SPRY3: variants seen among roughly 807,000 people sequenced by gnomAD.
The protein encoded by SPRY3 is sprouty RTK signaling antagonist 3, also known as protein sprouty homolog 3.
A neutral mutation model predicts 20.2 loss-of-function variants in SPRY3; 15 were observed. The observed-to-expected ratio is 0.74, with a 90% CI of 0.50 to 1.14. The LOEUF (loss-of-function observed/expected upper bound fraction) is 1.14. SPRY3 is among the 50% of genes most tolerant of loss of function. The pLI is 0.00. For synonymous variants in SPRY3, 143 were observed against 136.5 expected (o/e 1.05, Z -0.33); for missense variants, 364 against 363.9 (o/e 1.00, Z 0.00).
At chrX:155,616,151 T>TCCTCTCTCTCTCTCTCTC (rs2067853135) in intron 1 of SPRY3, among the ~76,000 whole-genome samples, 1 of 33,177 alleles carries the variant, frequency 3.0e-5, no homozygotes, top group Non-Finnish European at 8.6e-5. Context: ...CTCTCTCTCT[T>TCCTCTCTCTCTCTCTCTC]CTCTCTCTCT....
chrX:155,750,855 C>T (rs1402081812), intron 2 of SPRY3, among the ~76,000 whole-genome samples: 1 of 151,800 alleles, frequency 6.6e-6, no homozygotes, highest in Non-Finnish European at 1.5e-5. Context: ...AAATGAATAC[C>T]AAACCAGTTA....
chrX:155,690,102 T>C (rs1420970989), intron 2 of SPRY3, among the ~76,000 whole-genome samples: 1 of 88,818 alleles, frequency 1.1e-5, no homozygotes, highest in Non-Finnish European at 2.1e-5. Context: ...AAACAGGTTA[T>C]TTAATTTCCA....
At chrX:155,767,910 TTTTG>T (rs1050081588) in intron 2 of SPRY3, 48 bp from the exon 2 acceptor site, 108 of 146,418 alleles carry the variant, frequency 7.4e-4, no homozygotes, top group Non-Finnish European at 1.3e-3. Context: ...CGTTTTTTTG[TTTTG>T]TTTTGTTTTG....
chrX:155,767,738 G>GAGAGAGGAGGAGGAGAA (rs2091347416), intron 2 of SPRY3: 1 of 57,266 alleles, frequency 1.7e-5, no homozygotes, highest in Non-Finnish European at 3.2e-5. Flanking sequence ...GAGGAGGAGA[G>GAGAGAGGAGGAGGAGAA]AGAGGAGGAG....
At chrX:155,778,061 A>G (rs1355637324), downstream of SPRY3, 4 of 166,966 alleles carry the variant, frequency 2.4e-5, no homozygotes, top group Non-Finnish European at 5.9e-5. Flanking sequence ...TCCAACCTCT[A>G]TTTTACAGAT....
At chrX:155,642,465 T>C (rs1475284485) in intron 1 of SPRY3, among the ~76,000 whole-genome samples, 6 of 111,900 alleles carry the variant, frequency 5.4e-5, no homozygotes, top group Admixed American at 1.9e-4. Context: ...GTTTTCTTCA[T>C]TTCAAATTTG....
intron 2 of SPRY3, among the ~76,000 whole-genome samples, chrX:155,743,315 T>C (rs965157439): frequency 1.3e-5 from 2 of 152,122 alleles, no homozygotes; most frequent in Non-Finnish European, 1.5e-5. Flanking sequence ...TGGCTCCCCA[T>C]GGCAGTACTC....
chrX:155,729,391 A>G (rs1236189996), intron 2 of SPRY3, among the ~76,000 whole-genome samples: 3 of 152,176 alleles, frequency 2.0e-5, no homozygotes, highest in Non-Finnish European at 2.9e-5. Context: ...ATAAAACTAG[A>G]AATCAATAAC....
chrX:155,678,883 C>T (rs922995054), intron 2 of SPRY3, among the ~76,000 whole-genome samples: 1 of 111,762 alleles, frequency 8.9e-6, no homozygotes, highest in Non-Finnish European at 1.9e-5. Flanking sequence ...TCTGATCAGT[C>T]TTGAGAGGAC....
chrX:155,729,432 T>C (rs1023497813), intron 2 of SPRY3, among the ~76,000 whole-genome samples: 1 of 152,016 alleles, frequency 6.6e-6, no homozygotes, highest in African/African-American at 2.4e-5. Context: ...AAGAAATACA[T>C]GGAAATTAAA....
chrX:155,703,921 T>G (rs2090929334), intron 2 of SPRY3, among the ~76,000 whole-genome samples: 1 of 151,918 alleles, frequency 6.6e-6, no homozygotes, highest in Admixed American at 6.6e-5. Context: ...ATTTGAAGCC[T>G]GTGGTGGTTC....
chrX:155,749,895 G>A (rs2091252045), intron 2 of SPRY3, among the ~76,000 whole-genome samples: 1 of 151,710 alleles, frequency 6.6e-6, no homozygotes, highest in African/African-American at 2.4e-5. Flanking sequence ...ACATTATTCT[G>A]GAGTTCAGAG....
chrX:155,626,449 A>G (rs1420890106), intron 1 of SPRY3, among the ~76,000 whole-genome samples: 1 of 111,638 alleles, frequency 9.0e-6, no homozygotes, highest in Non-Finnish European at 1.9e-5. Context: ...TCTAGATACA[A>G]GATCTTGTCA....
chrX:155,773,568 C>A (rs1229492549), intron 3 of SPRY3, among the ~76,000 whole-genome samples, 198 bp from the exon 3 acceptor site: 9 of 151,910 alleles, frequency 5.9e-5, no homozygotes, highest in Non-Finnish European at 1.3e-4. Flanking sequence ...TCCCAAACTT[C>A]TTTATAGTCT....
intron 1 of SPRY3, among the ~76,000 whole-genome samples, chrX:155,634,869 T>TTA (rs2124531741): frequency 9.3e-6 from 1 of 106,986 alleles, no homozygotes; most frequent in Admixed American, 1.0e-4. Flanking sequence ...TATGTACACT[T>TTA]TATATATATA....
intron 2 of SPRY3, among the ~76,000 whole-genome samples, chrX:155,761,492 G>T (rs959307490): frequency 9.2e-5 from 14 of 152,120 alleles, no homozygotes; most frequent in Non-Finnish European, 1.3e-4. Flanking sequence ...TTGCTATTGT[G>T]AATAGTACTG....
intron 2 of SPRY3, among the ~76,000 whole-genome samples, chrX:155,743,562 T>C (rs2091213278): frequency 1.3e-5 from 2 of 152,038 alleles, no homozygotes; most frequent in Non-Finnish European, 2.9e-5. Context: ...GAGGGTAAAA[T>C]ATACATATAA....
At chrX:155,656,203 G>T (rs1452997054) in intron 1 of SPRY3, among the ~76,000 whole-genome samples, 1 of 111,398 alleles carries the variant, frequency 9.0e-6, no homozygotes, top group African/African-American at 3.3e-5. Context: ...TTCCAACTTG[G>T]TTCCATTCTT....
intron 2 of SPRY3, among the ~76,000 whole-genome samples, chrX:155,710,269 C>A (rs2090977352): frequency 6.6e-6 from 1 of 151,676 alleles, no homozygotes; most frequent in Non-Finnish European, 1.5e-5. Flanking sequence ...AACATTTTGA[C>A]AACATTGATT....
Sources: allele counts gnomAD v4.1 joint callset (sites outside exome capture counted in the v4.1 genomes callset), GRCh38; gene constraint gnomAD v4.1.1; transcripts MANE v1.5; gene names NCBI Gene and HGNC (gene_info 2026-07-23, HGNC 2026-07-21).